RBBP8: variants seen among roughly 807,000 people sequenced by gnomAD.
The protein encoded by RBBP8 is DNA endonuclease RBBP8.
In RBBP8, 88 loss-of-function variants were observed where a neutral mutation model predicts 108.3. The observed-to-expected ratio is 0.81, with a 90% CI of 0.68 to 0.97. RBBP8 has a LOEUF of 0.97. Ranked by LOEUF, RBBP8 falls within the 50% of genes least tolerant of loss-of-function variation. The probability of loss-of-function intolerance (pLI) is 0.00; values close to 1 mark genes in which losing one functional copy is unlikely to be tolerated. For synonymous variants in RBBP8, 332 were observed against 348.2 expected (o/e 0.95, Z 0.52); for missense variants, 1,023 against 1,049.0 (o/e 0.98, Z 0.34).
In RBBP8 at chr18:22,994,535, G is replaced by A. The variant is rs1320583425; in HGVS notation, c.1939+688G>A. 7.4e-5 allele frequency among the ~76,000 whole-genome samples: 11 copies of A among 148,988 alleles called. No homozygotes were observed. In the East Asian group the frequency reaches 1.5e-3, roughly 20 times the overall value. Reference sequence around the variant, plus strand: ...CAGGCGCCTGTAGTCCCAGCTATTCGGGAGGCTGAGGCAGGAGAATGGTGT... The same window carrying A: ...CAGGCGCCTGTAGTCCCAGCTATTCAGGAGGCTGAGGCAGGAGAATGGTGT... On this transcript the variant is annotated intron_variant, in intron 12 of 18. Coordinates refer to ENST00000327155, the MANE Select transcript of RBBP8 (RefSeq NM_002894.3).
chr18:22,965,607 A>G (rs9951982), intron 4 of RBBP8, among the ~76,000 whole-genome samples: 74,711 of 152,040 alleles, frequency 0.49, 21,721 homozygotes, highest in Middle Eastern at 0.67. Context: ...ACTGAGCCTC[A>G]TGGCTCCCAG....
Position 22,933,565 on chromosome 18 carries a change from G to A in RBBP8, c.-99+1G>A, listed in dbSNP as rs2144371938. ...GAATCCCGAGGCAATCTCGGAGGCG[G>A]TGAGTAAAAGCAATCTCTTTACCCC... On this transcript the variant is annotated splice_donor_variant, in intron 1 of 18. Transcript: ENST00000327155. LOFTEE classifies it low-confidence loss of function (5UTR_SPLICE). The A allele has an allele frequency of 6.5e-6, 1 of 153,602 alleles. No homozygotes were observed. Among genetic ancestry groups the A allele is most frequent in the Admixed American group, 6.5e-5 (1 of 15,312 alleles). 9.5% of individuals were successfully genotyped at this position (153,602 alleles called of 1,614,324 possible).
At chr18:23,025,325 G>C (rs914522708) in intron 18 of RBBP8, among the ~76,000 whole-genome samples, 4 of 152,216 alleles carry the variant, frequency 2.6e-5, no homozygotes, top group African/African-American at 9.6e-5. Flanking sequence ...TGATTTAGCT[G>C]CACAACAAGG....
chr18:22,957,739 G>T (rs934025668), intron 4 of RBBP8, among the ~76,000 whole-genome samples: 1 of 152,040 alleles, frequency 6.6e-6, no homozygotes, highest in Non-Finnish European at 1.5e-5. Context: ...ACATTTTCTT[G>T]CTTCTATTTA....
At chr18:22,966,668 TG>T (rs1407431276) in intron 4 of RBBP8, among the ~76,000 whole-genome samples, 1 of 149,556 alleles carries the variant, frequency 6.7e-6, no homozygotes, top group Non-Finnish European at 1.5e-5. Flanking sequence ...TTAAAATTCG[TG>T]GCATATGCTA....
At chr18:22,950,733 A>G (rs1044582007) in intron 4 of RBBP8, among the ~76,000 whole-genome samples, 3 of 152,308 alleles carry the variant, frequency 2.0e-5, no homozygotes, top group African/African-American at 7.2e-5. Flanking sequence ...CCAGCGTCGC[A>G]GTATAGCAAG....
chr18:22,946,307 C>A, intron 2 of RBBP8, 137 bp from the exon 3 acceptor site: 1 of 1,120,934 alleles, frequency 8.9e-7, no homozygotes, highest in Non-Finnish European at 1.3e-6. Flanking sequence ...CTGCAGAGTA[C>A]ACGTAAGGGG....
At chr18:23,018,546 G>C (rs1215900621) in intron 17 of RBBP8, among the ~76,000 whole-genome samples, 1 of 152,156 alleles carries the variant, frequency 6.6e-6, no homozygotes. Context: ...AAATGGCATA[G>C]TACTTGCCTA....
intron 9 of RBBP8, among the ~76,000 whole-genome samples, chr18:22,989,955 C>T (rs926572809): frequency 1.3e-5 from 2 of 152,192 alleles, no homozygotes; most frequent in African/African-American, 4.8e-5. Context: ...AGGTGTGAGT[C>T]ACCACATCCA....
intron 18 of RBBP8, among the ~76,000 whole-genome samples, chr18:23,024,319 C>G (rs546810835): frequency 6.6e-6 from 1 of 152,090 alleles, no homozygotes; most frequent in Non-Finnish European, 1.5e-5. Context: ...ATCAAACATT[C>G]TTTTAATAAG....
At chr18:22,999,845 G>A (rs896467375) in intron 14 of RBBP8, among the ~76,000 whole-genome samples, 9 of 152,066 alleles carry the variant, frequency 5.9e-5, no homozygotes, top group Non-Finnish European at 1.0e-4. Context: ...CAGGTATTTC[G>A]CAATCACAAA....
intron 5 of RBBP8, among the ~76,000 whole-genome samples, chr18:22,973,590 C>T (rs952644776): frequency 2.6e-5 from 4 of 152,182 alleles, no homozygotes; most frequent in African/African-American, 9.7e-5. Context: ...ACTTTCTTCT[C>T]ACATTGGTAT....
intron 3 of RBBP8, among the ~76,000 whole-genome samples, chr18:22,925,165 TG>T (rs1402653974): frequency 6.6e-6 from 1 of 152,106 alleles, no homozygotes; most frequent in Non-Finnish European, 1.5e-5. Context: ...CTGCTGCACT[TG>T]GCCGGAAGCC....
chr18:22,964,766 AT>A (rs1913429236), intron 4 of RBBP8, among the ~76,000 whole-genome samples: 1 of 152,012 alleles, frequency 6.6e-6, no homozygotes, highest in African/African-American at 2.4e-5. Context: ...AAATGCTGGG[AT>A]TACAGGCATG....
rs1044357188 is a variant in RBBP8 at position 23,022,112 on chromosome 18, C to G, written c.2455-17C>G. On this transcript the variant is annotated splice_polypyrimidine_tract_variant and intron_variant, in intron 17 of 18. Transcript: ENST00000327155. Reference sequence around the variant, plus strand: ...TATTATTCTTTAGTGAAAAAACTTACCAGTTTTTATTATTAGTATTATGCA... The same window carrying G: ...TATTATTCTTTAGTGAAAAAACTTAGCAGTTTTTATTATTAGTATTATGCA... 2 of 1,571,564 alleles carry G rather than the reference C, an allele frequency of 1.3e-6. No individual in the cohort carries two copies. Among genetic ancestry groups the G allele is most frequent in the Non-Finnish European group, 1.8e-6 (2 of 1,141,662 alleles).
chr18:23,012,878 C>T (rs763706270), intron 16 of RBBP8, among the ~76,000 whole-genome samples: 6 of 152,132 alleles, frequency 3.9e-5, no homozygotes, highest in Non-Finnish European at 7.4e-5. Context: ...GACAGGTTGA[C>T]TCTTGTTTGG....
In RBBP8 at chr18:22,975,185, A is replaced by C; in HGVS notation, c.394A>C (p.Lys132Gln). 6.2e-7 allele frequency: 1 copy of C among 1,612,744 alleles called. No homozygotes were observed. The highest frequency in any genetic ancestry group is 8.5e-7 in the Non-Finnish European group (1 of 1,179,326). Residue 132 changes from lysine to glutamine, a missense_variant, in exon 6 of 19, where the codon AAA (lysine) becomes CAA (glutamine). Coordinates refer to ENST00000327155, the MANE Select transcript of RBBP8 (RefSeq NM_002894.3). Reference protein sequence around the residue: ...NERNTLQEENKKLSEQLQQKI... With the variant: ...NERNTLQEENQKLSEQLQQKI... Reference sequence around the variant, plus strand: ...AAGGAATACTCTACAGGAAGAAAATAAAAAGCTTTCTGAACAACTCCAGCA... The same window carrying C: ...AAGGAATACTCTACAGGAAGAAAATCAAAAGCTTTCTGAACAACTCCAGCA...
chr18:22,971,837 C>T (rs988550209), intron 5 of RBBP8, among the ~76,000 whole-genome samples: 12 of 150,374 alleles, frequency 8.0e-5, no homozygotes, highest in Non-Finnish European at 1.5e-4. Flanking sequence ...AGTAGAGAAG[C>T]GGTTTCACTA....
At chr18:22,936,456 A>G (rs1237482479) in intron 1 of RBBP8, among the ~76,000 whole-genome samples, 3 of 152,054 alleles carry the variant, frequency 2.0e-5, no homozygotes, top group African/African-American at 7.2e-5. Flanking sequence ...AATGATAAAA[A>G]CCCCTCAATA....
Sources: gnomAD v4.1 joint callset for allele counts (sites outside exome capture counted in the v4.1 genomes callset) on GRCh38, gnomAD v4.1.1 for gene constraint, MANE v1.5 for transcripts, NCBI Gene and HGNC (gene_info 2026-07-23, HGNC 2026-07-21) for gene names.